GATA4: variants seen among roughly 807,000 people sequenced by gnomAD.
The protein encoded by GATA4 is transcription factor GATA-4.
Under a neutral mutation model 37.9 loss-of-function variants are expected in GATA4, and 7 were observed. That is an observed-to-expected ratio of 0.18 (90% CI 0.11 to 0.35). GATA4 has a LOEUF of 0.35. GATA4 is among the 10% of genes least tolerant of loss of function. The probability of loss-of-function intolerance (pLI) is 1.00; values close to 1 mark genes in which losing one functional copy is unlikely to be tolerated. For synonymous variants in GATA4, 372 were observed against 292.6 expected (o/e 1.27, Z -2.77); for missense variants, 647 against 653.0 (o/e 0.99, Z 0.10).
Position 11,707,122 on chromosome 8 carries a change from T to C in GATA4, c.-457-734T>C, listed in dbSNP as rs948497872. On this transcript the variant is annotated intron_variant, in intron 1 of 6. Transcript: ENST00000532059. This position sits in a 1 kb window ranked among gnomAD's most constrained non-coding sequence, Gnocchi z 4.7. ...CAGTGGGTTATTCTGTAGAGCGGCA[T>C]TGTACATTCTTCTCACTTTTCTGGT... 2.0e-5 allele frequency among the ~76,000 whole-genome samples: 3 copies of C among 152,212 alleles called. No individual in the cohort carries two copies. Among genetic ancestry groups the C allele is most frequent in the Admixed American group, 1.3e-4 (2 of 15,286 alleles).
rs891489544 is a variant in GATA4, at chr8:11,731,478, A to C, written c.617-17438A>C. On this transcript the variant is annotated intron_variant, in intron 2 of 6. Coordinates refer to ENST00000532059, the MANE Select transcript of GATA4 (RefSeq NM_001308093.3). ...GCTAAGTGAAACAAGCCAGTCACCA[A>C]AGGACAAACACTCTATGATCCCACT... Among the ~76,000 whole-genome samples, 9 of 152,360 alleles carry C rather than the reference A, an allele frequency of 5.9e-5. No individual in the cohort carries two copies. In the East Asian group the frequency reaches 1.2e-3, roughly 20 times the overall value.
intron 2 of GATA4, among the ~76,000 whole-genome samples, chr8:11,735,247 T>C (rs989601267): frequency 6.6e-6 from 1 of 152,246 alleles, no homozygotes; most frequent in Non-Finnish European, 1.5e-5. Flanking sequence ...AAAGCATTCA[T>C]GTAAATCTTT....
intron 2 of GATA4, among the ~76,000 whole-genome samples, chr8:11,716,519 T>G (rs1431732636): frequency 1.3e-5 from 2 of 152,220 alleles, no homozygotes; most frequent in Non-Finnish European, 2.9e-5. Context: ...CTTTTGATTT[T>G]GCTTATTTCA....
rs1371654056 is a variant in GATA4 at position 11,708,898 on chromosome 8, G to A, written c.586G>A (p.Ala196Thr). The A allele has an allele frequency of 6.5e-7, 1 of 1,528,032 alleles. No individual in the cohort carries two copies. The highest frequency in any genetic ancestry group is 8.7e-7 in the Non-Finnish European group (1 of 1,143,810). The allele number at this position is 1,528,032 out of a possible 1,614,324, so 94.7% of individuals were successfully genotyped here. ...SPVLHSLPGR[A>T]NPAARHPNLV... ...GGTCCTGCACAGCCTGCCCGGCCGG[G>A]CCAACCCGGCCGCCCGACACCCCAA... is the stretch of plus-strand genomic sequence containing the variant. Residue 196 changes from alanine to threonine, a missense_variant, in exon 2 of 7, where the codon GCC (alanine) becomes ACC (threonine). Physicochemically the swap from Ala to Thr is moderately conservative, Grantham distance 58 (BLOSUM62 0). Transcript: ENST00000532059. This position sits in a 1 kb window ranked among gnomAD's most constrained non-coding sequence, Gnocchi z 6.7.
chr8:11,713,819 G>A (rs573029359), intron 2 of GATA4, among the ~76,000 whole-genome samples: 379 of 152,300 alleles, frequency 2.5e-3, no homozygotes, highest in African/African-American at 8.7e-3. Context: ...GGAGCTCTGC[G>A]GATAGTTCTT....
In GATA4 at chr8:11,680,995, A is replaced by AC. The variant is rs201265316; in HGVS notation, c.-274+3936dup. 233 of 952,524 alleles carry AC rather than the reference A, an allele frequency of 2.4e-4. 2 individuals carry two copies. In the East Asian group the frequency reaches 0.018, roughly 74 times the overall value. The allele number at this position is 952,524 out of a possible 1,614,324, so 59.0% of individuals were successfully genotyped here. On this transcript the variant is annotated intron_variant, in intron 1 of 6. Coordinates refer to the GATA4 transcript ENST00000528712. ...TATCTCAATATCCCCCTGCAGAGAG[A>AC]CCCCGCACCCCCGAATCCCATACCC... is the stretch of plus-strand genomic sequence containing the variant.
chr8:11,708,822 C>A lies in GATA4; in HGVS notation c.510C>A (p.Gly170=), dbSNP rs1272768214. ...SPYPAYMADV[G]ASWAAAAAAS... is the part of the protein sequence containing the mutation. Reference sequence around the variant, plus strand: ...ACCCGGCTTACATGGCCGACGTGGGCGCGTCCTGGGCCGCAGCCGCCGCCG... The same window carrying A: ...ACCCGGCTTACATGGCCGACGTGGGAGCGTCCTGGGCCGCAGCCGCCGCCG... The change falls in exon 2 of 7, where the codon GGC becomes GGA. Residue 170 remains glycine, a synonymous_variant. Transcript: ENST00000532059. This position sits in a 1 kb window ranked among gnomAD's most constrained non-coding sequence, Gnocchi z 6.7. The A allele has an allele frequency of 5.4e-6, 8 of 1,485,942 alleles. No homozygotes were observed. Among genetic ancestry groups the A allele is most frequent in the Non-Finnish European group, 7.1e-6 (8 of 1,125,510 alleles). The allele number at this position is 1,485,942 out of a possible 1,614,324, so 92.0% of individuals were successfully genotyped here. A position where few individuals can be genotyped will look rare whatever the true frequency, so the allele number is the denominator to read the frequency against.
At chr8:11,692,081 A>G (rs189365773), upstream of GATA4, 63 of 984,562 alleles carry the variant, frequency 6.4e-5, no homozygotes, top group East Asian at 5.2e-3. Flanking sequence ...CTTTCCGTAG[A>G]AAGGGAAGGT....
At chr8:11,698,587 G>T (rs1204702308) in intron 1 of GATA4, among the ~76,000 whole-genome samples, 17 of 152,076 alleles carry the variant, frequency 1.1e-4, no homozygotes, top group Admixed American at 1.1e-3. Flanking sequence ...CTATCCGGCT[G>T]ACTTGGTCTC....
chr8:11,724,555 G>C (rs1024268602), intron 2 of GATA4, among the ~76,000 whole-genome samples: 4 of 152,178 alleles, frequency 2.6e-5, no homozygotes, highest in Non-Finnish European at 4.4e-5. Context: ...AGCAGTACGA[G>C]TCCTGAAACC....
chr8:11,740,739 G>GT (rs35512328), intron 2 of GATA4, among the ~76,000 whole-genome samples: 42,271 of 146,706 alleles, frequency 0.29, 7,547 homozygotes, highest in Non-Finnish European at 0.42. Flanking sequence ...TTCCTTTTCC[G>GT]TTTTTTTTTT....
At chr8:11,744,711 T>C (rs1363913610) in intron 2 of GATA4, among the ~76,000 whole-genome samples, 3 of 152,174 alleles carry the variant, frequency 2.0e-5, no homozygotes, top group African/African-American at 7.2e-5. Context: ...GATGGCAGGA[T>C]TTTGTGGTTG....
chr8:11,722,252 T>A (rs998562466), intron 2 of GATA4, among the ~76,000 whole-genome samples: 2 of 152,224 alleles, frequency 1.3e-5, no homozygotes, highest in Non-Finnish European at 2.9e-5. Context: ...AGCTGTTTAA[T>A]CTATACATTA....
chr8:11,723,353 C>A (rs992944134), intron 2 of GATA4, among the ~76,000 whole-genome samples: 9 of 150,864 alleles, frequency 6.0e-5, no homozygotes, highest in South Asian at 2.1e-4. Context: ...AAAAAAAAAA[C>A]AAAAAAACCT....
intron 4 of GATA4, among the ~76,000 whole-genome samples, chr8:11,753,562 A>G (rs910359977): frequency 2.0e-5 from 3 of 149,730 alleles, no homozygotes; most frequent in Non-Finnish European, 4.4e-5. Flanking sequence ...TGAGGCCAGA[A>G]TGGGTTTGAA....
At chr8:11,692,514 C>T (rs1425839802), upstream of GATA4, 1 of 985,466 alleles carries the variant, frequency 1.0e-6, no homozygotes, top group South Asian at 4.7e-5. Context: ...GAGTAATTCC[C>T]GTGAAACTAT....
At chr8:11,751,962 AC>A (rs1563229844) in intron 4 of GATA4, among the ~76,000 whole-genome samples, 1 of 152,228 alleles carries the variant, frequency 6.6e-6, no homozygotes, top group Non-Finnish European at 1.5e-5. Flanking sequence ...ATAAAAAATA[AC>A]CAGTACATGA....
chr8:11,683,816 C>T (rs972185120), intron 1 of GATA4, among the ~76,000 whole-genome samples: 3 of 152,208 alleles, frequency 2.0e-5, no homozygotes, highest in Non-Finnish European at 4.4e-5. Flanking sequence ...GAATCCCTCC[C>T]CACAATGCCT....
rs1802758754 is a variant in GATA4 at position 11,759,134 on chromosome 8, C to T, written c.*659C>T. ...CCCCTGCTGCCGGCCTTTGCTCCTT[C>T]ACTTCCAACATCTCTCAAAATAAAA... On this transcript the variant is annotated 3_prime_UTR_variant, in exon 7 of 7. Coordinates refer to ENST00000532059, the MANE Select transcript of GATA4 (RefSeq NM_001308093.3). 2 of 160,090 alleles carry T rather than the reference C, an allele frequency of 1.2e-5. No individual in the cohort carries two copies. Among genetic ancestry groups the T allele is most frequent in the Admixed American group, 1.2e-4 (2 of 17,014 alleles). The allele number at this position is 160,090 out of a possible 1,614,324, so 9.9% of individuals were successfully genotyped here.
Sources: allele counts gnomAD v4.1 joint callset (sites outside exome capture counted in the v4.1 genomes callset), GRCh38; gene constraint gnomAD v4.1.1; non-coding constraint Gnocchi (gnomAD v3.1); transcripts MANE v1.5; gene names NCBI Gene and HGNC (gene_info 2026-07-23, HGNC 2026-07-21).